The following SECTM1 variants were observed in gnomAD, a reference collection of about 807,000 sequenced individuals.
SECTM1 encodes secreted and transmembrane 1, also known as secreted and transmembrane protein 1.
SECTM1 carries 10 observed loss-of-function variants against 18.1 expected under a neutral mutation model. The ratio of observed to expected loss-of-function variants is 0.55; its 90% confidence interval spans 0.34 to 0.94. The LOEUF is 0.94. Among genes scored for constraint, SECTM1 ranks in the 40% least tolerant of loss-of-function variants. The pLI is 0.02. For missense variants in SECTM1, 297 were observed against 322.6 expected (o/e 0.92, Z 0.61); for synonymous variants, 137 against 139.2 (o/e 0.98, Z 0.11).
Position 82,322,255 on chromosome 17 carries a change from G to C in SECTM1, c.653C>G (p.Pro218Arg). Residue 218 changes from proline (P) to arginine (R), a missense_variant, in exon 5 of 5, where the codon CCA becomes CGA. Transcript: ENST00000269389. ...ELWTPDSEPT[P>R]RPLALVFKPS... is the part of the protein sequence containing the mutation. Reference sequence around the variant, plus strand: ...TTTGAACACCAGTGCCAGCGGCCTTGGGGTGGGCTCGGAGTCTGGGGTCCA... The same window carrying C: ...TTTGAACACCAGTGCCAGCGGCCTTCGGGTGGGCTCGGAGTCTGGGGTCCA... 1 of 1,608,150 alleles carries C rather than the reference G, an allele frequency of 6.2e-7. No individual in the cohort carries two copies. Among genetic ancestry groups the C allele is most frequent in the Non-Finnish European group, 8.5e-7 (1 of 1,176,008 alleles).
rs534930126 is a variant in SECTM1, at chr17:82,329,813, C to G, written c.-52-2521G>C. ...CTGCCATCTCCCCACCACTGCCCCC[C>G]AGCTGCTTCCCTCATCTCCCTGACT... On this transcript the variant is annotated intron_variant, in intron 1 of 4. Coordinates refer to ENST00000269389, the MANE Select transcript of SECTM1 (RefSeq NM_003004.3). This position sits in a 1 kb window ranked among gnomAD's most constrained non-coding sequence, Gnocchi z 7.6. Among the ~76,000 whole-genome samples the G allele has an allele frequency of 5.3e-5, 8 of 152,284 alleles. No individual in the cohort carries two copies. The highest frequency in any genetic ancestry group is 3.3e-4 in the Admixed American group (5 of 15,296).
At chr17:82,322,755 C>G in intron 4 of SECTM1, 123 bp downstream of exon 4, 1 of 1,229,622 alleles carries the variant, frequency 8.1e-7, no homozygotes, top group South Asian at 1.5e-5. Context: ...TCTCTGGGAC[C>G]GGTGCTCCCC....
In SECTM1 at chr17:82,325,009, T is replaced by A. The variant is rs2052133940; in HGVS notation, c.95-119A>T. 1.1e-6 allele frequency: 1 copy of A among 870,770 alleles called. No individual in the cohort carries two copies. Among genetic ancestry groups the A allele is most frequent in the Admixed American group, 2.7e-5 (1 of 36,814 alleles). 53.9% of individuals were successfully genotyped at this position (870,770 alleles called of 1,614,324 possible). On this transcript the variant is annotated intron_variant, in intron 2 of 4. Transcript: ENST00000269389. This position sits in a 1 kb window ranked among gnomAD's most constrained non-coding sequence, Gnocchi z 7.6. Reference sequence around the variant, plus strand: ...AGGGCCTCTAAGGGACACAGTGAACTATGTATACATCCACCCGACCCAATC... The same window carrying A: ...AGGGCCTCTAAGGGACACAGTGAACAATGTATACATCCACCCGACCCAATC...
chr17:82,328,889 C>T lies in SECTM1; in HGVS notation c.-52-1597G>A, dbSNP rs2052169879. Among the ~76,000 whole-genome samples, 1 of 152,218 alleles carries T rather than the reference C, an allele frequency of 6.6e-6. No homozygotes were observed. The highest frequency in any genetic ancestry group is 1.5e-5 in the Non-Finnish European group (1 of 68,024). The stretch of plus-strand genomic sequence containing the variant: ...GCGGCAACTCCAGCCCTGCCTCTCC[C>T]AGCTCCCAGTGCAGCCCACACGCCG... On this transcript the variant is annotated intron_variant, in intron 1 of 4. Coordinates refer to ENST00000269389, the MANE Select transcript of SECTM1 (RefSeq NM_003004.3). The surrounding 1 kb of genome is among the most constrained non-coding windows in gnomAD (Gnocchi z 5.8).
At chr17:82,331,285 G>C (rs371345657) in intron 1 of SECTM1, among the ~76,000 whole-genome samples, 180 of 152,296 alleles carry the variant, frequency 1.2e-3, no homozygotes, top group South Asian at 0.01. Context: ...GGGGGAGACC[G>C]GGAGGAGAGC....
intron 3 of SECTM1, 82 bp downstream of exon 3, chr17:82,324,500 G>GC: frequency 2.3e-5 from 28 of 1,203,458 alleles, no homozygotes; most frequent in South Asian, 9.0e-5. Context: ...CTCAGTCTCA[G>GC]CCCTCCCCCT....
Position 82,321,515 on chromosome 17 carries a change from CGAGGGACT to C in SECTM1, c.*638_*645del, listed in dbSNP as rs2052087857. On this transcript the variant is annotated 3_prime_UTR_variant, in exon 5 of 5. Coordinates refer to ENST00000269389, the MANE Select transcript of SECTM1 (RefSeq NM_003004.3). ...CACGAGGGAGCGACCCCCGGGTGGC[CGAGGGACT>C]GAGGGATGCGCGTCCAGCCCCGGAG... 1.3e-5 allele frequency: 2 copies of C among 152,816 alleles called. No individual in the cohort carries two copies. Among genetic ancestry groups the C allele is most frequent in the African/African-American group, 2.4e-5 (1 of 41,462 alleles). 9.5% of individuals were successfully genotyped at this position (152,816 alleles called of 1,614,324 possible). A position where few individuals can be genotyped will look rare whatever the true frequency, so the allele number is the denominator to read the frequency against.
Position 82,328,032 on chromosome 17 carries a change from C to G in SECTM1, c.-52-740G>C, listed in dbSNP as rs571941201. The G allele has an allele frequency of 6.6e-6, 1 of 151,190 alleles. No homozygotes were observed. The highest frequency in any genetic ancestry group is 2.4e-5 in the African/African-American group (1 of 40,990). The allele number at this position is 151,190 out of a possible 1,614,324, so 9.4% of individuals were successfully genotyped here. A position where few individuals can be genotyped will look rare whatever the true frequency, so the allele number is the denominator to read the frequency against. ...CCACCAGCCCCCCCACCACCCTGCC[C>G]GTCCACCAGCCCCCCTCCCGGGGCA... On this transcript the variant is annotated intron_variant, in intron 1 of 4. Transcript: ENST00000269389. The surrounding 1 kb of genome is among the most constrained non-coding windows in gnomAD (Gnocchi z 5.8).
chr17:82,322,735 G>T, intron 4 of SECTM1, 143 bp downstream of exon 4: 1 of 1,066,338 alleles, frequency 9.4e-7, no homozygotes, highest in Non-Finnish European at 1.3e-6. Context: ...GGCCCCTGGC[G>T]GGGACTGGCT....
Position 82,326,705 on chromosome 17 carries a change from T to C in SECTM1, c.94+442A>G, listed in dbSNP as rs2052148678. ...TGGGGAGGATCTCACTGGGGGACCC[T>C]GTTCAAATGCAGATCCACTCCTGGC... On this transcript the variant is annotated intron_variant, in intron 2 of 4. Transcript: ENST00000269389. The surrounding 1 kb of genome is among the most constrained non-coding windows in gnomAD (Gnocchi z 4.3). Among the ~76,000 whole-genome samples the C allele has an allele frequency of 6.6e-6, 1 of 152,152 alleles. No homozygotes were observed. The highest frequency in any genetic ancestry group is 1.5e-5 in the Non-Finnish European group (1 of 68,024).
chr17:82,333,470 C>T (rs1291436655), intron 1 of SECTM1, among the ~76,000 whole-genome samples: 1 of 151,836 alleles, frequency 6.6e-6, no homozygotes, highest in African/African-American at 2.4e-5. Flanking sequence ...CGCTCAGGGC[C>T]AGCGGGGGGT....
At position 82,324,808 on chromosome 17, in the gene SECTM1, G is replaced by A. The variant is rs576613921; in HGVS notation, c.177C>T (p.Asn59=). The A allele has an allele frequency of 1.8e-5, 29 of 1,614,106 alleles. No individual in the cohort carries two copies. The highest frequency in any genetic ancestry group is 1.3e-4 in the Admixed American group (8 of 60,010). ...GCTTGATGTTGACATGGGAGAAGGC[G>A]TTGGAGATGTTGCAGGACATGACGG... is the stretch of plus-strand genomic sequence containing the variant. ...ENTVMSCNIS[N]AFSHVNIKLR... is the part of the protein sequence containing the mutation. Residue 59 remains asparagine (N), a synonymous_variant, in exon 3 of 5, where the codon AAC becomes AAT. Transcript: ENST00000269389.
At position 82,322,178 on chromosome 17, in the gene SECTM1, A is replaced by G. The variant is rs61738919; in HGVS notation, c.730T>C (p.Tyr244His). 6 of 1,613,646 alleles carry G rather than the reference A, an allele frequency of 3.7e-6. No homozygotes were observed. In the Admixed American group the frequency reaches 8.3e-5, roughly 22 times the overall value. ...GCAGGCGGCTATGGGTCTGCGGCATATGGAAACAAGGGTTGGGGGGACAGC... is the reference window on the plus strand; with the variant it reads ...GCAGGCGGCTATGGGTCTGCGGCATGTGGAAACAAGGGTTGGGGGGACAGC... ...ELLSPQPLFP[Y>H]AADP The change falls in exon 5 of 5, where the codon TAT becomes CAT. Residue 244 changes from tyrosine (Y) to histidine (H), a missense_variant. By Grantham distance (83) the Tyr-to-His change is moderately conservative. Coordinates refer to ENST00000269389, the MANE Select transcript of SECTM1 (RefSeq NM_003004.3).
chr17:82,331,726 C>T (rs2052192793), intron 1 of SECTM1, among the ~76,000 whole-genome samples: 1 of 152,232 alleles, frequency 6.6e-6, no homozygotes, highest in Non-Finnish European at 1.5e-5. Flanking sequence ...GGCGGCAGGG[C>T]GCGGCCCCAG....
chr17:82,321,836 C>A lies in SECTM1; in HGVS notation c.*325G>T. The A allele has an allele frequency of 2.8e-6, 1 of 351,242 alleles. No individual in the cohort carries two copies. Among genetic ancestry groups the A allele is most frequent in the South Asian group, 2.7e-5 (1 of 36,842 alleles). The allele number at this position is 351,242 out of a possible 1,614,324, so 21.8% of individuals were successfully genotyped here. A position where few individuals can be genotyped will look rare whatever the true frequency, so the allele number is the denominator to read the frequency against. ...GGAGTGGAGAGAGCGGACCCCACACCTGGGGCCGGACCAGCCTGGGGTGGC... is the reference window on the plus strand; with the variant it reads ...GGAGTGGAGAGAGCGGACCCCACACATGGGGCCGGACCAGCCTGGGGTGGC... On this transcript the variant is annotated 3_prime_UTR_variant, in exon 5 of 5. Transcript: ENST00000269389.
At chr17:82,322,512 G>C in intron 4 of SECTM1, 142 bp from the exon 5 acceptor site, 1 of 840,666 alleles carries the variant, frequency 1.2e-6, no homozygotes, top group Non-Finnish European at 1.9e-6. Flanking sequence ...CCTCGCCTGG[G>C]TTCTGAAACT....
chr17:82,331,375 G>C (rs537087669), intron 1 of SECTM1, among the ~76,000 whole-genome samples: 2 of 152,110 alleles, frequency 1.3e-5, no homozygotes, highest in African/African-American at 4.8e-5. Context: ...AGGTGTCAGC[G>C]ACTTTGGGTT....
At position 82,325,115 on chromosome 17, in the gene SECTM1, T is replaced by C. The variant is rs1004323134; in HGVS notation, c.95-225A>G. ...CTGTGTGTGTGTATGTGTGTGTGTGTGCGTGCTCACACCCACGTCTGTTCC... is the reference window on the plus strand; with the variant it reads ...CTGTGTGTGTGTATGTGTGTGTGTGCGCGTGCTCACACCCACGTCTGTTCC... On this transcript the variant is annotated intron_variant, in intron 2 of 4. Coordinates refer to ENST00000269389, the MANE Select transcript of SECTM1 (RefSeq NM_003004.3). The surrounding 1 kb of genome is among the most constrained non-coding windows in gnomAD (Gnocchi z 7.6). Among the ~76,000 whole-genome samples, 4 of 152,154 alleles carry C rather than the reference T, an allele frequency of 2.6e-5. No individual in the cohort carries two copies. Among genetic ancestry groups the C allele is most frequent in the Non-Finnish European group, 4.4e-5 (3 of 68,026 alleles).
intron 1 of SECTM1, 117 bp downstream of exon 1, chr17:82,333,583 C>G (rs1022740571): frequency 1.1e-5 from 2 of 180,512 alleles, no homozygotes; most frequent in African/African-American, 2.4e-5. Flanking sequence ...CCCCCAGCAC[C>G]GAGTCCCCAG....
Sources: allele counts gnomAD v4.1 joint callset (sites outside exome capture counted in the v4.1 genomes callset), GRCh38; gene constraint gnomAD v4.1.1; non-coding constraint Gnocchi (gnomAD v3.1); transcripts MANE v1.5; gene names NCBI Gene and HGNC (gene_info 2026-07-23, HGNC 2026-07-21).